The following ROCK1 variants were observed in gnomAD, a reference collection of about 807,000 sequenced individuals.
The protein encoded by ROCK1 is rho-associated protein kinase 1.
Under a neutral mutation model 196.8 loss-of-function variants are expected in ROCK1, and 36 were observed. The ratio of observed to expected loss-of-function variants is 0.18; its 90% confidence interval spans 0.14 to 0.24. ROCK1 has a LOEUF of 0.24. ROCK1 is among the 10% of genes least tolerant of loss of function. ROCK1 has a pLI of 1.00. For synonymous variants in ROCK1, 443 were observed against 515.9 expected, an observed-to-expected ratio of 0.86 and a Z score of 1.91; for missense variants, 920 against 1,562.0, an observed-to-expected ratio of 0.59 and a Z score of 6.93.
At chr18:20,987,608 A>G (rs1165150307) in intron 18 of ROCK1, among the ~76,000 whole-genome samples, 4 of 152,190 alleles carry the variant, frequency 2.6e-5, no homozygotes, top group Non-Finnish European at 5.9e-5. Flanking sequence ...ACTGGAATAT[A>G]TTAGTCTACA....
At chr18:21,014,429 C>G (rs1259626519) in intron 13 of ROCK1, among the ~76,000 whole-genome samples, 1 of 152,118 alleles carries the variant, frequency 6.6e-6, no homozygotes, top group Non-Finnish European at 1.5e-5. Context: ...GGGAGGAATA[C>G]AGAAAAGGTA....
At chr18:21,042,835 CTGAA>C in intron 6 of ROCK1, 126 bp from the exon 7 acceptor site, 2 of 934,556 alleles carry the variant, frequency 2.1e-6, no homozygotes. Flanking sequence ...TATATTAAAA[CTGAA>C]TGGAAACCTG....
At chr18:21,084,332 G>T (rs143594680) in intron 1 of ROCK1, among the ~76,000 whole-genome samples, 62 of 151,782 alleles carry the variant, frequency 4.1e-4, no homozygotes, top group Non-Finnish European at 6.9e-4. Flanking sequence ...GAGTGAAATG[G>T]CAATCCACAG....
intron 1 of ROCK1, among the ~76,000 whole-genome samples, chr18:21,101,537 A>G (rs1247154319): frequency 6.6e-6 from 1 of 152,266 alleles, no homozygotes; most frequent in Non-Finnish European, 1.5e-5. Context: ...AAGTTAAATT[A>G]CATCATTAGG....
chr18:21,018,089 AT>A (rs2035880091), intron 12 of ROCK1, among the ~76,000 whole-genome samples: 1 of 152,112 alleles, frequency 6.6e-6, no homozygotes, highest in African/African-American at 2.4e-5. Context: ...TCAATATATA[AT>A]TTTTTAAAGT....
At chr18:21,016,581 G>C (rs1196046268) in intron 12 of ROCK1, among the ~76,000 whole-genome samples, 1 of 152,066 alleles carries the variant, frequency 6.6e-6, no homozygotes, top group African/African-American at 2.4e-5. Flanking sequence ...ATTTTCACGT[G>C]GATGTCTCAT....
intron 28 of ROCK1, 23 bp from the exon 29 acceptor site, chr18:20,959,951 A>G: frequency 7.1e-7 from 1 of 1,406,144 alleles, no homozygotes; most frequent in Non-Finnish European, 1.0e-6. Flanking sequence ...AAAGGGGGGA[A>G]GAGTTACAAG....
intron 10 of ROCK1, among the ~76,000 whole-genome samples, chr18:21,028,405 G>C (rs2035979218): frequency 6.6e-6 from 1 of 151,864 alleles, no homozygotes; most frequent in Admixed American, 6.6e-5. Flanking sequence ...GACAGAGCAA[G>C]ACTCCATCGT....
intron 13 of ROCK1, among the ~76,000 whole-genome samples, chr18:21,008,439 A>G (rs1314859901): frequency 6.6e-6 from 1 of 152,152 alleles, no homozygotes; most frequent in African/African-American, 2.4e-5. Context: ...GCGTCCAGCT[A>G]ATTTTTCTAT....
At chr18:20,972,234 A>G (rs1336247951) in intron 22 of ROCK1, among the ~76,000 whole-genome samples, 1 of 152,198 alleles carries the variant, frequency 6.6e-6, no homozygotes, top group African/African-American at 2.4e-5. Context: ...TAAGAAAAAA[A>G]GAAGAGTCTA....
rs112883134 is a variant in ROCK1, at chr18:21,110,938, T to A, written c.-28A>T. On this transcript the variant is annotated 5_prime_UTR_variant, in exon 1 of 33. Transcript: ENST00000399799. ...TGCTGCTGCTGTGACAATGCCCTCT[T>A]ACCAGCACCAGCAGCGGAAAGCAAT... is the stretch of plus-strand genomic sequence containing the variant. 238 of 1,571,566 alleles carry A rather than the reference T, an allele frequency of 1.5e-4. No individual in the cohort carries two copies. The highest frequency in any genetic ancestry group is 2.0e-4 in the Non-Finnish European group (226 of 1,142,190).
chr18:20,991,639 C>CT (rs199626047), intron 17 of ROCK1, among the ~76,000 whole-genome samples: 83 of 146,220 alleles, frequency 5.7e-4, no homozygotes, highest in East Asian at 3.6e-3. Context: ...TTTTTCTTTT[C>CT]TTTTTTTTTT....
intron 1 of ROCK1, among the ~76,000 whole-genome samples, chr18:21,105,895 T>C (rs1598565341): frequency 1.3e-5 from 2 of 152,036 alleles, no homozygotes; most frequent in South Asian, 2.1e-4. Flanking sequence ...ATAAGTATGA[T>C]AGGCCAAAGA....
At chr18:21,001,817 A>C (rs1326702658) in intron 16 of ROCK1, among the ~76,000 whole-genome samples, 1 of 152,012 alleles carries the variant, frequency 6.6e-6, no homozygotes, top group African/African-American at 2.4e-5. Flanking sequence ...AAAACCCACA[A>C]TGATAGTGAA....
At chr18:20,973,920 A>C (rs2143371435) in intron 22 of ROCK1, among the ~76,000 whole-genome samples, 1 of 151,296 alleles carries the variant, frequency 6.6e-6, no homozygotes, top group East Asian at 2.0e-4. Flanking sequence ...AGCTGGGACT[A>C]CAGGCGCCCG....
At chr18:20,992,754 T>C (rs940950606) in intron 17 of ROCK1, 77 bp downstream of exon 17, 3 of 849,030 alleles carry the variant, frequency 3.5e-6, no homozygotes, top group Non-Finnish European at 3.7e-6. Flanking sequence ...TAAATGCTAT[T>C]TTATAAAACC....
chr18:20,982,512 A>G (rs2035542449), intron 21 of ROCK1, among the ~76,000 whole-genome samples: 1 of 152,156 alleles, frequency 6.6e-6, no homozygotes, highest in South Asian at 2.1e-4. Context: ...TCGGCCTCCC[A>G]AAGTGCTGGG....
intron 22 of ROCK1, among the ~76,000 whole-genome samples, chr18:20,971,327 CACACACACACACACACAT>C (rs1174898774): frequency 7.0e-5 from 5 of 71,222 alleles, no homozygotes; most frequent in Non-Finnish European, 8.7e-5. Context: ...CACACACACA[CACACACACACACACACAT>C]ACACACAGAA....
rs2035184110 is a variant in ROCK1 at position 20,951,229 on chromosome 18, T to C, written c.*155A>G. On this transcript the variant is annotated 3_prime_UTR_variant, in exon 33 of 33. Transcript: ENST00000399799. ...CCCGCAATAAAAAAAACCCTCAGTG[T>C]GTTGTGCCAAAGCAAGGACAGAAAA... The C allele has an allele frequency of 1.8e-6, 1 of 559,224 alleles. No homozygotes were observed. The highest frequency in any genetic ancestry group is 3.0e-5 in the East Asian group (1 of 33,642). The allele number at this position is 559,224 out of a possible 1,614,324, so 34.6% of individuals were successfully genotyped here. A position where few individuals can be genotyped will look rare whatever the true frequency, so the allele number is the denominator to read the frequency against.
Sources: allele counts gnomAD v4.1 joint callset (sites outside exome capture counted in the v4.1 genomes callset), GRCh38; gene constraint gnomAD v4.1.1; transcripts MANE v1.5; gene names NCBI Gene and HGNC (gene_info 2026-07-23, HGNC 2026-07-21).